Variants in JAKMIP3 observed in about 807,000 individuals in gnomAD.
JAKMIP3 encodes the protein Janus kinase and microtubule interacting protein 3, also known as janus kinase and microtubule-interacting protein 3.
A neutral mutation model predicts 118.5 loss-of-function variants in JAKMIP3; 58 were observed. That is an observed-to-expected ratio of 0.49 (90% CI 0.40 to 0.61). JAKMIP3 has a LOEUF of 0.61. Among genes scored for constraint, JAKMIP3 ranks in the 20% least tolerant of loss-of-function variants. The probability of loss-of-function intolerance (pLI) is 0.00; values close to 1 mark genes in which losing one functional copy is unlikely to be tolerated. For missense variants in JAKMIP3, 950 were observed against 1,109.0 expected (o/e 0.86, Z 2.04); for synonymous variants, 486 against 451.2 (o/e 1.08, Z -0.98).
rs1302419746 is a variant in JAKMIP3 at position 132,182,524 on chromosome 10, A to G, written c.*1271A>G. The G allele has an allele frequency of 2.0e-5, 3 of 152,218 alleles. No individual in the cohort carries two copies. The highest frequency in any genetic ancestry group is 4.4e-5 in the Non-Finnish European group (3 of 68,036). The allele number at this position is 152,218 out of a possible 1,614,324, so 9.4% of individuals were successfully genotyped here. A position where few individuals can be genotyped will look rare whatever the true frequency, so the allele number is the denominator to read the frequency against. ...CTAGGTGGGCTAAGGTTCTGCTCTCAGAGCTGAATTGACAGGAGGTGTGTG... is the reference window on the plus strand; with the variant it reads ...CTAGGTGGGCTAAGGTTCTGCTCTCGGAGCTGAATTGACAGGAGGTGTGTG... On this transcript the variant is annotated 3_prime_UTR_variant, in exon 24 of 24. Coordinates refer to ENST00000684848, the MANE Select transcript of JAKMIP3 (RefSeq NM_001323087.2).
intron 23 of JAKMIP3, among the ~76,000 whole-genome samples, chr10:132,177,264 G>A (rs958582375): frequency 2.6e-5 from 4 of 152,260 alleles, no homozygotes; most frequent in African/African-American, 9.6e-5. Context: ...ATTTCAGAAA[G>A]GGTAGCTGGG....
intron 19 of JAKMIP3, among the ~76,000 whole-genome samples, chr10:132,159,704 C>CGCTGTGTGATGCTGGGGGAGTCTCTT (rs2057737464): frequency 9.4e-6 from 1 of 105,924 alleles, no homozygotes; most frequent in Non-Finnish European, 1.8e-5. Context: ...GGGGGCCTCT[C>CGCTGTGTGATGCTGGGGGAGTCTCTT]CCTGTGTGAT....
At chr10:132,182,141 G>A (rs1590072990) in intron 23 of JAKMIP3, among the ~76,000 whole-genome samples, 1 of 152,222 alleles carries the variant, frequency 6.6e-6, no homozygotes, top group East Asian at 1.9e-4. Flanking sequence ...GGCCTTCGGT[G>A]GGTGCCAGGT....
intron 6 of JAKMIP3, 98 bp downstream of exon 6, chr10:132,136,174 C>T: frequency 7.4e-7 from 1 of 1,351,008 alleles, no homozygotes; most frequent in Non-Finnish European, 1.0e-6. Flanking sequence ...ACAGCCGGTC[C>T]CGGGCGGGTG....
chr10:132,065,033 C>T (rs547263002), upstream of JAKMIP3, among the ~76,000 whole-genome samples: 3 of 152,238 alleles, frequency 2.0e-5, no homozygotes, highest in South Asian at 6.2e-4. This position sits in a 1 kb window ranked among gnomAD's most constrained non-coding sequence, Gnocchi z 5.6. Flanking sequence ...AGAACCTGGG[C>T]GTGCAGGCCT....
In JAKMIP3 at chr10:132,109,184, C is replaced by T. The variant is rs150387273; in HGVS notation, c.135+4241C>T. ...TATTAAAAAAAACTGGGCATGGTGGCACTCACCTGTAGTCTCAGCTACGTG... is the reference window on the plus strand; with the variant it reads ...TATTAAAAAAAACTGGGCATGGTGGTACTCACCTGTAGTCTCAGCTACGTG... On this transcript the variant is annotated intron_variant, in intron 2 of 23. Transcript: ENST00000684848. Among the ~76,000 whole-genome samples, 738 of 151,658 alleles carry T rather than the reference C, an allele frequency of 4.9e-3. 14 individuals are homozygous for T. The highest frequency in any genetic ancestry group is 0.017 in the African/African-American group (689 of 41,244).
At chr10:132,083,366 C>G (rs1012239856) in intron 1 of JAKMIP3, among the ~76,000 whole-genome samples, 6 of 152,080 alleles carry the variant, frequency 3.9e-5, no homozygotes, top group Middle Eastern at 3.2e-3. Flanking sequence ...TCTTAGCCCA[C>G]TCTTTGATGG....
intron 2 of JAKMIP3, among the ~76,000 whole-genome samples, chr10:132,106,167 T>C (rs1226097003): frequency 7.2e-6 from 1 of 138,886 alleles, no homozygotes; most frequent in Admixed American, 6.8e-5. Flanking sequence ...AGACCTCATC[T>C]CTACAAAAAA....
At chr10:132,036,706 G>T (rs1273168849) in exon 1 of JAKMIP3, among the ~76,000 whole-genome samples, 1 of 150,754 alleles carries the variant, frequency 6.6e-6, no homozygotes, top group Non-Finnish European at 1.5e-5. Context: ...CGGTCCGTCG[G>T]ACGCCGCCCA....
chr10:132,103,647 G>A (rs1375656312), intron 1 of JAKMIP3, among the ~76,000 whole-genome samples: 1 of 152,080 alleles, frequency 6.6e-6, no homozygotes, highest in African/African-American at 2.4e-5. Context: ...TGAACCTGGA[G>A]GACTTGCTGT....
intron 2 of JAKMIP3, among the ~76,000 whole-genome samples, chr10:132,116,517 C>T (rs1476631571): frequency 2.8e-5 from 4 of 143,182 alleles, no homozygotes; most frequent in African/African-American, 5.3e-5. Flanking sequence ...TGAGTGTGTG[C>T]ATCATGGACG....
rs546811327 is a variant in JAKMIP3 at position 132,117,019 on chromosome 10, T to G, written c.136-58T>G. 1.9e-4 allele frequency: 290 copies of G among 1,541,852 alleles called. No individual in the cohort carries two copies. In the African/African-American group the frequency reaches 3.7e-3, roughly 19 times the overall value. ...AAGCTCCCCCAAATGCACATTCAGG[T>G]GTGAGTGTGTGCATGGCTGGAGCTC... On this transcript the variant is annotated intron_variant, in intron 2 of 23. Coordinates refer to ENST00000684848, the MANE Select transcript of JAKMIP3 (RefSeq NM_001323087.2). The surrounding 1 kb of genome is among the most constrained non-coding windows in gnomAD (Gnocchi z 8.6).
intron 1 of JAKMIP3, among the ~76,000 whole-genome samples, chr10:132,071,463 C>A (rs1477212683): frequency 6.6e-6 from 1 of 152,192 alleles, no homozygotes; most frequent in African/African-American, 2.4e-5. Flanking sequence ...TGTGTCCTTA[C>A]AAATTTTCTC....
At chr10:132,099,267 G>A (rs574249304) in intron 1 of JAKMIP3, among the ~76,000 whole-genome samples, 26 of 152,212 alleles carry the variant, frequency 1.7e-4, no homozygotes, top group African/African-American at 5.5e-4. Flanking sequence ...GTGATTCACC[G>A]GCGGTGGAAA....
At chr10:132,045,301 C>G (rs1011207468) in intron 1 of JAKMIP3, among the ~76,000 whole-genome samples, 8 of 152,196 alleles carry the variant, frequency 5.3e-5, no homozygotes, top group African/African-American at 1.9e-4. Flanking sequence ...TGCTTGTTGG[C>G]TGCCTGGATG....
intron 3 of JAKMIP3, among the ~76,000 whole-genome samples, chr10:132,129,152 C>T (rs2050142103): frequency 1.3e-5 from 2 of 152,072 alleles, no homozygotes. Context: ...TACCTGGATC[C>T]TTTTGAGGTG....
chr10:132,076,304 T>C (rs1441437343), intron 1 of JAKMIP3, among the ~76,000 whole-genome samples: 1 of 152,288 alleles, frequency 6.6e-6, no homozygotes, highest in Non-Finnish European at 1.5e-5. Context: ...CGTGGGGTTT[T>C]CCGAGTTCAT....
chr10:132,158,047 A>AT (rs1382131592), intron 19 of JAKMIP3, among the ~76,000 whole-genome samples: 1 of 150,934 alleles, frequency 6.6e-6, no homozygotes, highest in African/African-American at 2.5e-5. Context: ...ATGGAAATTT[A>AT]TGCACCTCCA....
Position 132,117,400 on chromosome 10 carries a change from G to T in JAKMIP3, c.459G>T (p.Lys153Asn). ...AGGGGTTCGAGGTGGAGAAGGTCAA[G>T]ATGCAGCAGGAGATCTCCGAGCTCA... ...AKKGFEVEKV[K>N]MQQEISELKG... The change falls in exon 3 of 24, where the codon AAG becomes AAT. Residue 153 changes from lysine to asparagine, a missense_variant. Transcript: ENST00000684848. The surrounding 1 kb of genome is among the most constrained non-coding windows in gnomAD (Gnocchi z 8.6). 6.2e-7 allele frequency: 1 copy of T among 1,614,018 alleles called. No individual in the cohort carries two copies. The highest frequency in any genetic ancestry group is 8.5e-7 in the Non-Finnish European group (1 of 1,179,904).
Sources: gnomAD v4.1 joint callset for allele counts (sites outside exome capture counted in the v4.1 genomes callset) on GRCh38, gnomAD v4.1.1 for gene constraint, Gnocchi (gnomAD v3.1) non-coding constraint, MANE v1.5 for transcripts, NCBI Gene and HGNC (gene_info 2026-07-23, HGNC 2026-07-21) for gene names.